The following TNS2 variants were observed in gnomAD, a reference collection of about 807,000 sequenced individuals.
TNS2 encodes the protein tensin-2.
Under a neutral mutation model 155.7 loss-of-function variants are expected in TNS2, and 77 were observed. The ratio of observed to expected loss-of-function variants is 0.49; its 90% CI spans 0.41 to 0.60. The LOEUF (loss-of-function observed/expected upper bound fraction) is 0.60, where lower values mean the gene tolerates loss of function less well. Among genes scored for constraint, TNS2 ranks in the 20% least tolerant of loss-of-function variants. The pLI is 0.00. For missense variants in TNS2, 1,703 were observed against 1,868.8 expected, an observed-to-expected ratio of 0.91 and a Z score of 1.64; for synonymous variants, 726 against 763.9, an observed-to-expected ratio of 0.95 and a Z score of 0.82.
chr12:53,059,850 C>G lies in TNS2; in HGVS notation c.2209C>G (p.Leu737Val). ...AGTGCGGCCTGGGCACCCGCTGCCT[C>G]TGCTCTTGCCTGCCTGTGGGCATCA... is the stretch of plus-strand genomic sequence containing the variant. ...HPVRPGHPLP[L>V]LLPACGHHHA... Residue 737 changes from leucine (L) to valine (V), a missense_variant, in exon 18 of 29, where the codon CTG becomes GTG. Leu to Val is a conservative substitution (Grantham distance 32, BLOSUM62 1). Coordinates refer to ENST00000314250, the MANE Select transcript of TNS2 (RefSeq NM_170754.4). This position sits in a 1 kb window ranked among gnomAD's most constrained non-coding sequence, Gnocchi z 4.7. 6.2e-7 allele frequency: 1 copy of G among 1,612,964 alleles called. No individual in the cohort carries two copies. Among genetic ancestry groups the G allele is most frequent in the Non-Finnish European group, 8.5e-7 (1 of 1,179,916 alleles).
At chr12:53,052,122 C>T in intron 2 of TNS2, 159 bp downstream of exon 2, 1 of 652,640 alleles carries the variant, frequency 1.5e-6, no homozygotes, top group Non-Finnish European at 2.6e-6. Flanking sequence ...TCAGATGGCC[C>T]TGGCTCCCCA....
In TNS2 at chr12:53,059,820, C is replaced by T. The variant is rs771895855; in HGVS notation, c.2179C>T (p.His727Tyr). Residue 727 changes from histidine to tyrosine, a missense_variant, in exon 18 of 29, where the codon CAC becomes TAC. By Grantham distance (83) the His-to-Tyr change is moderately conservative (BLOSUM62 2). Transcript: ENST00000314250. The surrounding 1 kb of genome is among the most constrained non-coding windows in gnomAD (Gnocchi z 4.7). ...AAGTGAGGCTGGCAAGCCTCTCCTG[C>T]ACCCAGTGCGGCCTGGGCACCCGCT... is the stretch of plus-strand genomic sequence containing the variant. Reference protein sequence around the residue: ...WASEAGKPLLHPVRPGHPLPL... With the variant: ...WASEAGKPLLYPVRPGHPLPL... 1.9e-6 allele frequency: 3 copies of T among 1,612,944 alleles called. No homozygotes were observed. Among genetic ancestry groups the T allele is most frequent in the Admixed American group, 3.3e-5 (2 of 60,012 alleles).
At chr12:53,051,725 C>A (rs1943939728) in intron 1 of TNS2, 130 bp from the exon 2 acceptor site, 6 of 690,336 alleles carry the variant, frequency 8.7e-6, no homozygotes, top group Non-Finnish European at 1.5e-5. Context: ...CCAAGTGCGT[C>A]CTACAAGTTT....
rs372071424 is a variant in TNS2, at chr12:53,053,404, C to T, written c.223-7C>T. 274 of 1,613,938 alleles carry T rather than the reference C, an allele frequency of 1.7e-4. 2 individuals are homozygous for T. In the Middle Eastern group the frequency reaches 1.8e-3, roughly 11 times the overall value. ...GGAGCTCAGTTCCTTACTCGGTCCC[C>T]TTCCAGGTGACTTCAGCCTGTCAGG... On this transcript the variant is annotated splice_polypyrimidine_tract_variant and splice_region_variant and intron_variant, in intron 3 of 28. Transcript: ENST00000314250.
Position 53,055,221 on chromosome 12 carries a change from C to A in TNS2, c.558C>A (p.Thr186=). ...TTTCAGAGAAAAGGCATGACCTGACCCGCTTAAACCCCAAGGTATGAAGGA... is the reference window on the plus strand; with the variant it reads ...TTTCAGAGAAAAGGCATGACCTGACACGCTTAAACCCCAAGGTATGAAGGA... The part of the protein sequence containing the change: ...FNLSEKRHDL[T]RLNPKVQDFG... Residue 186 remains threonine (T), a synonymous_variant, in exon 8 of 29, where the codon ACC becomes ACA. Transcript: ENST00000314250. The A allele has an allele frequency of 1.9e-6, 3 of 1,614,018 alleles. No individual in the cohort carries two copies. Among genetic ancestry groups the A allele is most frequent in the Non-Finnish European group, 2.5e-6 (3 of 1,179,986 alleles).
intron 3 of TNS2, chr12:53,053,167 T>A: frequency 2.0e-6 from 1 of 508,326 alleles, no homozygotes. Flanking sequence ...GCCCTACAGC[T>A]GGATGAATGG....
chr12:53,047,645 GCACGCCGTGCCA>G (rs912775002), upstream of TNS2, among the ~76,000 whole-genome samples: 8 of 151,880 alleles, frequency 5.3e-5, no homozygotes, highest in African/African-American at 1.9e-4. Flanking sequence ...GCACGGGGCC[GCACGCCGTGCCA>G]CACACGCAGG....
chr12:53,063,436 C>A lies in TNS2; in HGVS notation c.4061+19C>A, dbSNP rs74088913. 2 of 1,613,494 alleles carry A rather than the reference C, an allele frequency of 1.2e-6. No individual in the cohort carries two copies. Among genetic ancestry groups the A allele is most frequent in the South Asian group, 1.1e-5 (1 of 91,068 alleles). On this transcript the variant is annotated intron_variant, in intron 27 of 28. Coordinates refer to ENST00000314250, the MANE Select transcript of TNS2 (RefSeq NM_170754.4). This position sits in a 1 kb window ranked among gnomAD's most constrained non-coding sequence, Gnocchi z 5.6. ...ACCGGAGGTGACTCTCCCTCCAAAC[C>A]CTTTGCCCCAAATCCCCATGGTCCC...
rs1306056894 is a variant in TNS2, at chr12:53,060,696, G to GT, written c.2791dup (p.Ser931PhefsTer29). On this transcript the variant is annotated frameshift_variant, in exon 20 of 29. Transcript: ENST00000314250. LOFTEE classifies it high-confidence loss of function. This position sits in a 1 kb window ranked among gnomAD's most constrained non-coding sequence, Gnocchi z 6.1. Reference sequence around the variant, plus strand: ...ACAGCACCCGGCGACAGGACACCAGGTCCCCCACCTCAGCGCCCACTCAGA... The same window carrying GT: ...ACAGCACCCGGCGACAGGACACCAGGTTCCCCCACCTCAGCGCCCACTCAGA... The GT allele has an allele frequency of 6.3e-7, 1 of 1,583,274 alleles. No homozygotes were observed. Among genetic ancestry groups the GT allele is most frequent in the East Asian group, 2.3e-5 (1 of 44,424 alleles).
At chr12:53,056,602 CTCTG>C (rs1370120787) in intron 10 of TNS2, among the ~76,000 whole-genome samples, 2 of 152,188 alleles carry the variant, frequency 1.3e-5, no homozygotes, top group Non-Finnish European at 2.9e-5. Context: ...CCCTGTGTGT[CTCTG>C]TCTGTGTCTC....
chr12:53,059,298 G>T lies in TNS2; in HGVS notation c.1657G>T (p.Gly553Trp). 1 of 1,468,700 alleles carries T rather than the reference G, an allele frequency of 6.8e-7. No individual in the cohort carries two copies. Among genetic ancestry groups the T allele is most frequent in the Non-Finnish European group, 9.0e-7 (1 of 1,112,382 alleles). The allele number at this position is 1,468,700 out of a possible 1,614,324, so 91.0% of individuals were successfully genotyped here. The stretch of plus-strand genomic sequence containing the variant: ...CCTAGGAGGCTGCGGAGTGGCCAGT[G>T]GGGGCCGGGGAGCTGGGCGCGAGAC... ...RLLGGCGVASGGRGAGRETAI... is the reference protein window; with the variant it reads ...RLLGGCGVASWGRGAGRETAI... The change falls in exon 18 of 29, where the codon GGG becomes TGG. Residue 553 changes from glycine to tryptophan, a missense_variant. Transcript: ENST00000314250. The surrounding 1 kb of genome is among the most constrained non-coding windows in gnomAD (Gnocchi z 4.7).
Position 53,063,775 on chromosome 12 carries a change from A to C in TNS2, c.4123A>C (p.Ser1375Arg). ...TGGTTTCGTGGCCAAGAAGCCGGGA[A>C]GCCCCTGGGAGAATGTGTGTCACCT... The part of the protein sequence containing the change: ...IFGFVAKKPG[S>R]PWENVCHLFA... Residue 1375 changes from serine to arginine, a missense_variant, in exon 29 of 29, where the codon AGC becomes CGC. Transcript: ENST00000314250. This position sits in a 1 kb window ranked among gnomAD's most constrained non-coding sequence, Gnocchi z 5.6. The C allele has an allele frequency of 6.2e-7, 1 of 1,614,132 alleles. No individual in the cohort carries two copies. The highest frequency in any genetic ancestry group is 8.5e-7 in the Non-Finnish European group (1 of 1,180,016).
rs766711690 is a variant in TNS2 at position 53,057,599 on chromosome 12, G to A, written c.878G>A (p.Gly293Asp). ...YISYFSGLLS[G>D]SIRMNSSPLF... ...AGCTACTTCAGTGGGCTGCTATCTG[G>A]CTCCATCAGAATGAACAGCAGCCCT... The change falls in exon 12 of 29, where the codon GGC (glycine) becomes GAC (aspartate). Residue 293 changes from glycine to aspartate, a missense_variant. Transcript: ENST00000314250. 6.2e-7 allele frequency: 1 copy of A among 1,613,752 alleles called. No individual in the cohort carries two copies. Among genetic ancestry groups the A allele is most frequent in the Middle Eastern group, 1.7e-4 (1 of 6,056 alleles).
chr12:53,061,083 G>A lies in TNS2; in HGVS notation c.3177G>A (p.Leu1059=). 1.9e-6 allele frequency: 3 copies of A among 1,611,752 alleles called. No homozygotes were observed. Among genetic ancestry groups the A allele is most frequent in the Non-Finnish European group, 2.5e-6 (3 of 1,179,024 alleles). The change falls in exon 20 of 29, where the codon CTG becomes CTA. Residue 1059 remains leucine, a synonymous_variant. Coordinates refer to ENST00000314250, the MANE Select transcript of TNS2 (RefSeq NM_170754.4). ...PQSSPTPAFP[L]AASYDTNGLS... ...GCTCACCTACACCTGCTTTCCCCCT[G>A]GCTGCCTCCTATGACACCAATGGCC...
upstream of TNS2, chr12:53,047,149 G>GGGAGGA (rs200862018): frequency 0.44 from 65,406 of 147,990 alleles, 17,910 homozygotes; most frequent in Non-Finnish European, 0.63. Flanking sequence ...GGAGCCGGGA[G>GGGAGGA]GGAGGAGGAG....
At chr12:53,057,732 C>T (rs1944210943) in intron 12 of TNS2, 41 bp from the exon 13 acceptor site, 1 of 1,614,044 alleles carries the variant, frequency 6.2e-7, no homozygotes, top group Non-Finnish European at 8.5e-7. Flanking sequence ...AGGCCCTCTC[C>T]ACTCAGCACC....
intron 21 of TNS2, 92 bp downstream of exon 21, chr12:53,061,561 C>T: frequency 2.1e-6 from 3 of 1,445,226 alleles, no homozygotes; most frequent in East Asian, 2.3e-5. Flanking sequence ...GCTCTTGGCT[C>T]CTCCTGTCTG....
At position 53,063,779 on chromosome 12, in the gene TNS2, C is replaced by G; in HGVS notation, c.4127C>G (p.Pro1376Arg). The change falls in exon 29 of 29, where the codon CCC becomes CGC. Residue 1376 changes from proline (P) to arginine (R), a missense_variant. Pro to Arg is a moderately radical substitution (Grantham distance 103). Transcript: ENST00000314250. This position sits in a 1 kb window ranked among gnomAD's most constrained non-coding sequence, Gnocchi z 5.6. ...FGFVAKKPGS[P>R]WENVCHLFAE... is the part of the protein sequence containing the mutation. Reference sequence around the variant, plus strand: ...TTCGTGGCCAAGAAGCCGGGAAGCCCCTGGGAGAATGTGTGTCACCTCTTT... The same window carrying G: ...TTCGTGGCCAAGAAGCCGGGAAGCCGCTGGGAGAATGTGTGTCACCTCTTT... 6.2e-7 allele frequency: 1 copy of G among 1,614,178 alleles called. No individual in the cohort carries two copies. The highest frequency in any genetic ancestry group is 8.5e-7 in the Non-Finnish European group (1 of 1,180,032).
intron 10 of TNS2, chr12:53,056,805 GA>G (rs1328658093): frequency 4.0e-6 from 2 of 505,870 alleles, no homozygotes; most frequent in African/African-American, 3.8e-5. Context: ...TTTTACAGAT[GA>G]AAAAACTAAA....
Sources: allele counts gnomAD v4.1 joint callset (sites outside exome capture counted in the v4.1 genomes callset), GRCh38; gene constraint gnomAD v4.1.1; non-coding constraint Gnocchi (gnomAD v3.1); transcripts MANE v1.5; gene names NCBI Gene and HGNC (gene_info 2026-07-23, HGNC 2026-07-21).